The following KIAA0825 variants were observed in gnomAD, a reference collection of about 807,000 sequenced individuals.
KIAA0825 encodes the protein uncharacterized protein KIAA0825.
A neutral mutation model predicts 147.6 loss-of-function variants in KIAA0825; 119 were observed. The ratio of observed to expected loss-of-function variants is 0.81; its 90% CI spans 0.69 to 0.94. KIAA0825 has a LOEUF of 0.94. Among genes scored for constraint, KIAA0825 ranks in the 40% least tolerant of loss-of-function variants. The probability of loss-of-function intolerance (pLI) is 0.00; values close to 1 mark genes in which losing one functional copy is unlikely to be tolerated. For synonymous variants in KIAA0825, 470 were observed against 518.1 expected (o/e 0.91, Z 1.26); for missense variants, 1,381 against 1,472.7 (o/e 0.94, Z 1.02).
At chr5:94,298,080 A>G (rs1162669808) in intron 20 of KIAA0825, among the ~76,000 whole-genome samples, 1 of 151,228 alleles carries the variant, frequency 6.6e-6, no homozygotes, top group Non-Finnish European at 1.5e-5. Flanking sequence ...ACCCGTCTCT[A>G]CTAAAAATAC....
At chr5:94,243,141 C>A (rs1775438850) in intron 20 of KIAA0825, among the ~76,000 whole-genome samples, 1 of 152,140 alleles carries the variant, frequency 6.6e-6, no homozygotes, top group African/African-American at 2.4e-5. Context: ...AGTGTTAAAT[C>A]AGCTAATGCA....
chr5:94,560,957 CTT>C (rs1361020884), intron 2 of KIAA0825, among the ~76,000 whole-genome samples: 2 of 152,188 alleles, frequency 1.3e-5, no homozygotes, highest in Non-Finnish European at 2.9e-5. Flanking sequence ...TGAAATGTCT[CTT>C]GTTATTCACA....
chr5:94,511,497 G>A (rs1766467632), intron 5 of KIAA0825, among the ~76,000 whole-genome samples: 1 of 152,204 alleles, frequency 6.6e-6, no homozygotes, highest in Non-Finnish European at 1.5e-5. Context: ...GCACATGCCT[G>A]TAATCCCAGT....
intron 20 of KIAA0825, among the ~76,000 whole-genome samples, chr5:94,182,156 G>A (rs1008504156): frequency 6.7e-6 from 1 of 149,868 alleles, no homozygotes; most frequent in African/African-American, 2.5e-5. Flanking sequence ...AGACAATGCA[G>A]GCTCACTTCA....
chr5:94,160,061 T>C lies in KIAA0825; in HGVS notation c.3711-5937A>G, dbSNP rs1052023819. 2.0e-5 allele frequency among the ~76,000 whole-genome samples: 3 copies of C among 152,158 alleles called. No individual in the cohort carries two copies. The East Asian group carries it at 5.8e-4, about 29-fold the overall frequency. ...CCTTGTTGTCTGTCTCTCCTCCACA[T>C]TGCACAGTGCAGACTGGTTTTTCAG... On this transcript the variant is annotated intron_variant, in intron 20 of 20. Coordinates refer to ENST00000682413, the MANE Select transcript of KIAA0825 (RefSeq NM_001145678.3).
intron 3 of KIAA0825, 58 bp from the exon 4 acceptor site, chr5:94,524,156 A>G: frequency 9.0e-7 from 1 of 1,111,410 alleles, no homozygotes; most frequent in Non-Finnish European, 1.3e-6. Context: ...GCTTCATTTC[A>G]TAATATCACA....
chr5:94,228,656 C>T (rs540760100), intron 20 of KIAA0825, among the ~76,000 whole-genome samples: 1 of 152,268 alleles, frequency 6.6e-6, no homozygotes, highest in South Asian at 2.1e-4. Flanking sequence ...GGTTTCCAGT[C>T]CCTACGCCAA....
intron 3 of KIAA0825, among the ~76,000 whole-genome samples, chr5:94,525,016 G>A (rs1219182074): frequency 6.6e-6 from 1 of 151,754 alleles, no homozygotes; most frequent in East Asian, 1.9e-4. Flanking sequence ...GCCATCTGCA[G>A]AGCCACAGGG....
intron 20 of KIAA0825, among the ~76,000 whole-genome samples, chr5:94,328,533 G>A (rs1780935613): frequency 6.6e-6 from 1 of 151,716 alleles, no homozygotes; most frequent in Non-Finnish European, 1.5e-5. Flanking sequence ...AACATAGCGT[G>A]ATATAAAAAA....
In KIAA0825 at chr5:94,384,269, A is replaced by G. The variant is rs1025542298; in HGVS notation, c.3710+99T>C. On this transcript the variant is annotated intron_variant, in intron 20 of 20. Transcript: ENST00000682413. ...TGATAAAATGTTTTCACTTTTCCCA[A>G]AAGTATGCTAGTAAAATCTGTGTAC... is the stretch of plus-strand genomic sequence containing the variant. The G allele has an allele frequency of 6.2e-5, 51 of 822,426 alleles. No individual in the cohort carries two copies. In the African/African-American group the frequency reaches 7.4e-4, roughly 12 times the overall value. The allele number at this position is 822,426 out of a possible 1,614,324, so 50.9% of individuals were successfully genotyped here.
intron 20 of KIAA0825, among the ~76,000 whole-genome samples, chr5:94,339,113 C>T (rs1334025311): frequency 1.3e-5 from 2 of 151,818 alleles, no homozygotes; most frequent in Admixed American, 1.3e-4. Context: ...TGTTTTATAC[C>T]GCTCTGCAAA....
intron 20 of KIAA0825, among the ~76,000 whole-genome samples, chr5:94,166,085 T>C (rs1768000545): frequency 6.6e-6 from 1 of 152,220 alleles, no homozygotes; most frequent in Non-Finnish European, 1.5e-5. Flanking sequence ...TTATTTCACA[T>C]TACATGCCTG....
At chr5:94,161,263 T>A (rs1468778485) in intron 20 of KIAA0825, among the ~76,000 whole-genome samples, 1 of 152,232 alleles carries the variant, frequency 6.6e-6, no homozygotes, top group Non-Finnish European at 1.5e-5. Flanking sequence ...TGTTCTAGCT[T>A]GGTAGCAGCA....
At chr5:94,290,745 C>A (rs902499951) in intron 20 of KIAA0825, among the ~76,000 whole-genome samples, 2 of 152,178 alleles carry the variant, frequency 1.3e-5, no homozygotes, top group African/African-American at 4.8e-5. Context: ...TTTACACTCC[C>A]ACCAACAGTG....
At chr5:94,511,886 G>A (rs1315994005) in intron 5 of KIAA0825, among the ~76,000 whole-genome samples, 1 of 151,846 alleles carries the variant, frequency 6.6e-6, no homozygotes, top group Non-Finnish European at 1.5e-5. Context: ...CTACTTGGGA[G>A]GCTGACGCAG....
chr5:94,558,728 GTCTC>G (rs1777023315), intron 2 of KIAA0825, among the ~76,000 whole-genome samples: 1 of 152,176 alleles, frequency 6.6e-6, no homozygotes, highest in Non-Finnish European at 1.5e-5. Flanking sequence ...AAACAGGAAA[GTCTC>G]TCTGACTTTC....
At chr5:94,420,319 G>A (rs561738251) in intron 14 of KIAA0825, among the ~76,000 whole-genome samples, 1 of 152,228 alleles carries the variant, frequency 6.6e-6, no homozygotes, top group East Asian at 1.9e-4. Flanking sequence ...GATGAACAAA[G>A]TAAAATGAAG....
intron 20 of KIAA0825, among the ~76,000 whole-genome samples, chr5:94,242,912 G>A (rs1775426230): frequency 1.3e-5 from 2 of 152,160 alleles, no homozygotes; most frequent in Admixed American, 6.5e-5. Flanking sequence ...TGAGCCACCT[G>A]CTTGGCCCCT....
intron 20 of KIAA0825, among the ~76,000 whole-genome samples, chr5:94,307,860 C>T (rs1402781738): frequency 1.3e-5 from 2 of 151,742 alleles, no homozygotes; most frequent in East Asian, 3.9e-4. Flanking sequence ...AAGGAAGGAG[C>T]ATTCCTCCTA....
Sources: allele counts gnomAD v4.1 joint callset (sites outside exome capture counted in the v4.1 genomes callset), GRCh38; gene constraint gnomAD v4.1.1; transcripts MANE v1.5; gene names NCBI Gene and HGNC (gene_info 2026-07-23, HGNC 2026-07-21).